The following PDE4D variants were observed in gnomAD, a reference collection of about 807,000 sequenced individuals.
PDE4D encodes phosphodiesterase 4D, also known as 3',5'-cyclic-AMP phosphodiesterase 4D.
A neutral mutation model predicts 87.4 loss-of-function variants in PDE4D; 24 were observed. The ratio of observed to expected loss-of-function variants is 0.27; its 90% CI spans 0.20 to 0.39. The LOEUF (loss-of-function observed/expected upper bound fraction) is 0.39, where lower values mean the gene tolerates loss of function less well. Among genes scored for constraint, PDE4D ranks in the 10% least tolerant of loss-of-function variants. PDE4D has a pLI of 1.00. For synonymous variants in PDE4D, 384 were observed against 383.2 expected, an observed-to-expected ratio of 1.00 and a Z score of -0.02; for missense variants, 714 against 1,041.0, an observed-to-expected ratio of 0.69 and a Z score of 4.32.
chr5:60,490,643 C>A (rs560960666), upstream of PDE4D: 1 of 152,276 alleles, frequency 6.6e-6, no homozygotes, highest in Admixed American at 6.5e-5. Flanking sequence ...TCACATCAGG[C>A]CCTATCTAAG....
chr5:59,645,787 A>G (rs1250318127), intron 1 of PDE4D, among the ~76,000 whole-genome samples: 1 of 152,224 alleles, frequency 6.6e-6, no homozygotes, highest in African/African-American at 2.4e-5. Context: ...CAAATGAAAG[A>G]CATTTGATAG....
intron 2 of PDE4D, among the ~76,000 whole-genome samples, chr5:60,127,228 A>T (rs1409629472): frequency 1.3e-5 from 2 of 152,146 alleles, no homozygotes; most frequent in Admixed American, 1.3e-4. Context: ...GGCAGAAAGG[A>T]GGCTGGAGAC....
chr5:59,807,854 T>A (rs1211274539), intron 1 of PDE4D, among the ~76,000 whole-genome samples: 2 of 152,160 alleles, frequency 1.3e-5, no homozygotes, highest in Non-Finnish European at 2.9e-5. Context: ...CCTGTATTCT[T>A]ACCTCACAAC....
At chr5:60,239,409 C>T (rs905434183) in intron 1 of PDE4D, among the ~76,000 whole-genome samples, 4 of 152,198 alleles carry the variant, frequency 2.6e-5, no homozygotes, top group Admixed American at 2.0e-4. Context: ...TTATGACTGA[C>T]GCTTAGCTCT....
At chr5:60,226,720 G>A (rs1006973679) in intron 1 of PDE4D, among the ~76,000 whole-genome samples, 1 of 151,876 alleles carries the variant, frequency 6.6e-6, no homozygotes, top group African/African-American at 2.4e-5. Context: ...GAGTGGTACT[G>A]GTTTCTTCTT....
At chr5:59,347,671 T>G (rs1039022631) in intron 1 of PDE4D, among the ~76,000 whole-genome samples, 1 of 152,150 alleles carries the variant, frequency 6.6e-6, no homozygotes, top group Non-Finnish European at 1.5e-5. Flanking sequence ...TAATAGAAAG[T>G]ATATTGTAAA....
intron 1 of PDE4D, among the ~76,000 whole-genome samples, chr5:59,437,052 G>T (rs56349317): frequency 6.6e-6 from 1 of 152,082 alleles, no homozygotes; most frequent in Non-Finnish European, 1.5e-5. Context: ...TCCAACAAAA[G>T]CCCTTAGCTA....
chr5:59,926,228 A>G (rs1348403635), intron 3 of PDE4D, among the ~76,000 whole-genome samples: 1 of 152,186 alleles, frequency 6.6e-6, no homozygotes, highest in Non-Finnish European at 1.5e-5. Flanking sequence ...AACTAAACAA[A>G]CACATAGAAA....
chr5:59,951,069 A>G (rs1188919705), intron 3 of PDE4D, among the ~76,000 whole-genome samples: 2 of 152,134 alleles, frequency 1.3e-5, no homozygotes, highest in African/African-American at 4.8e-5. Flanking sequence ...AATCCTCACA[A>G]CAAACCTGCG....
chr5:60,060,959 C>T (rs185916057), intron 2 of PDE4D, among the ~76,000 whole-genome samples: 1 of 152,040 alleles, frequency 6.6e-6, no homozygotes, highest in Non-Finnish European at 1.5e-5. Context: ...TTCTGACAAA[C>T]CCACAGCCAA....
At chr5:60,165,522 A>C (rs1249725186) in intron 2 of PDE4D, among the ~76,000 whole-genome samples, 1 of 151,758 alleles carries the variant, frequency 6.6e-6, no homozygotes, top group Non-Finnish European at 1.5e-5. Flanking sequence ...ATTAATTTTA[A>C]AATTTCTTTA....
At chr5:59,943,359 A>G (rs1211042628) in intron 3 of PDE4D, among the ~76,000 whole-genome samples, 1 of 152,130 alleles carries the variant, frequency 6.6e-6, no homozygotes, top group Admixed American at 6.5e-5. Flanking sequence ...TACTCCCAAC[A>G]CAATGGCATC....
At chr5:59,730,903 G>A (rs1757277508) in intron 1 of PDE4D, among the ~76,000 whole-genome samples, 1 of 152,046 alleles carries the variant, frequency 6.6e-6, no homozygotes, top group African/African-American at 2.4e-5. Flanking sequence ...ATAGTATACA[G>A]GTAATATCAT....
chr5:59,887,685 A>G (rs1561818903), intron 1 of PDE4D, among the ~76,000 whole-genome samples: 1 of 152,064 alleles, frequency 6.6e-6, no homozygotes, highest in Non-Finnish European at 1.5e-5. Flanking sequence ...AACCCACATT[A>G]AAGTTTAGAG....
chr5:60,416,457 G>T (rs10073390), intron 1 of PDE4D, among the ~76,000 whole-genome samples: 45,753 of 151,672 alleles, frequency 0.3, 8,496 homozygotes, highest in African/African-American at 0.53. Context: ...GCTTCACTCC[G>T]GAAGCCAGCG....
At chr5:60,417,180 G>A (rs988637031) in intron 1 of PDE4D, among the ~76,000 whole-genome samples, 1 of 152,206 alleles carries the variant, frequency 6.6e-6, no homozygotes, top group African/African-American at 2.4e-5. Flanking sequence ...TGTGCCCAGA[G>A]AACAGCCTCT....
upstream of PDE4D, among the ~76,000 whole-genome samples, chr5:59,895,180 A>T (rs1453485594): frequency 6.6e-6 from 1 of 152,252 alleles, no homozygotes; most frequent in Non-Finnish European, 1.5e-5. Context: ...AGACTGCTGA[A>T]AATTCAACAC....
intron 1 of PDE4D, among the ~76,000 whole-genome samples, chr5:59,637,361 G>C (rs1052792019): frequency 1.3e-5 from 2 of 152,074 alleles, no homozygotes; most frequent in African/African-American, 4.8e-5. Context: ...TCTAGAAGTA[G>C]AAATACCATT....
intron 2 of PDE4D, among the ~76,000 whole-genome samples, chr5:60,037,366 T>G (rs1049537077): frequency 6.6e-6 from 1 of 152,188 alleles, no homozygotes; most frequent in Non-Finnish European, 1.5e-5. Context: ...TGGTACTAGA[T>G]CTTTACAAAA....
Sources: allele counts gnomAD v4.1 joint callset (sites outside exome capture counted in the v4.1 genomes callset), GRCh38; gene constraint gnomAD v4.1.1; transcripts MANE v1.5; gene names NCBI Gene and HGNC (gene_info 2026-07-23, HGNC 2026-07-21).